Variants in CDH11 observed in about 807,000 individuals in gnomAD.
CDH11 encodes the protein cadherin 11, also known as cadherin-11.
Under a neutral mutation model 67.8 loss-of-function variants are expected in CDH11, and 11 were observed. The ratio of observed to expected loss-of-function variants is 0.16; its 90% confidence interval spans 0.10 to 0.27. The LOEUF is 0.27. Ranked by LOEUF, CDH11 falls within the 10% of genes least tolerant of loss-of-function variation. The pLI is 1.00. For missense variants in CDH11, 847 were observed against 1,031.2 expected, an observed-to-expected ratio of 0.82 and a Z score of 2.45; for synonymous variants, 419 against 400.0, an observed-to-expected ratio of 1.05 and a Z score of -0.57.
In CDH11 at chr16:64,951,037, C is replaced by A; in HGVS notation, c.1643-19G>T. 1 of 1,607,292 alleles carries A rather than the reference C, an allele frequency of 6.2e-7. No homozygotes were observed. The highest frequency in any genetic ancestry group is 8.5e-7 in the Non-Finnish European group (1 of 1,175,966). ...GTGTTATCTGCAGAAAGAGGGGAGA[C>A]AGGCCGTGCGCCCAGTCAAGACCAT... On this transcript the variant is annotated intron_variant, in intron 11 of 12. Coordinates refer to ENST00000268603, the MANE Select transcript of CDH11 (RefSeq NM_001797.4).
Position 64,946,499 on chromosome 16 carries a change from G to T in CDH11, c.*1104C>A. ...AACACATATTGCAAAGTCATAGACT[G>T]ACCTAGTTCTTTCACATCCTTCTTT... On this transcript the variant is annotated 3_prime_UTR_variant, in exon 13 of 13. Transcript: ENST00000268603. 1 of 1,030,826 alleles carries T rather than the reference G, an allele frequency of 9.7e-7. No homozygotes were observed. Among genetic ancestry groups the T allele is most frequent in the Non-Finnish European group, 1.2e-6 (1 of 857,152 alleles). The allele number at this position is 1,030,826 out of a possible 1,614,324, so 63.9% of individuals were successfully genotyped here.
chr16:64,951,512 G>A (rs1374998305), intron 11 of CDH11, among the ~76,000 whole-genome samples: 1 of 151,926 alleles, frequency 6.6e-6, no homozygotes, highest in Non-Finnish European at 1.5e-5. Context: ...AAAATGGTGC[G>A]GCAGGCTTGC....
At chr16:65,079,497 G>A (rs2074573486) in intron 1 of CDH11, among the ~76,000 whole-genome samples, 3 of 149,532 alleles carry the variant, frequency 2.0e-5, no homozygotes, top group Non-Finnish European at 4.5e-5. Context: ...GCGTGTGTAT[G>A]TGTGTGTGTG....
rs138234734 is a variant in CDH11 at position 64,979,301 on chromosome 16, G to T, written c.1253+2747C>A. Among the ~76,000 whole-genome samples the T allele has an allele frequency of 2.2e-3, 338 of 152,198 alleles. 3 individuals are homozygous for T. The highest frequency in any genetic ancestry group is 7.5e-3 in the African/African-American group (310 of 41,522). On this transcript the variant is annotated intron_variant, in intron 8 of 12. Transcript: ENST00000268603. ...CCTGTCTCTATTTTTTTAAAAAATA[G>T]CTGGGCCTGGTGGTGTGCACCTGTA...
intron 7 of CDH11, chr16:64,987,186 C>T (rs535035426): frequency 7.2e-5 from 11 of 152,222 alleles, no homozygotes; most frequent in African/African-American, 1.4e-4. Flanking sequence ...TGGTAAATCA[C>T]GGGGGGAAAC....
intron 2 of CDH11, among the ~76,000 whole-genome samples, chr16:65,040,053 A>C (rs1390407141): frequency 1.3e-5 from 2 of 152,046 alleles, no homozygotes; most frequent in Middle Eastern, 3.4e-3. Context: ...AAAAGTCAGG[A>C]AACAGGTGCT....
intron 1 of CDH11, among the ~76,000 whole-genome samples, chr16:65,073,853 A>C (rs909948059): frequency 2.6e-5 from 4 of 152,158 alleles, no homozygotes; most frequent in African/African-American, 9.7e-5. Flanking sequence ...TGGTGAGGCC[A>C]CCACTGGTCC....
intron 3 of CDH11, among the ~76,000 whole-genome samples, chr16:65,000,446 C>T (rs1182290782): frequency 6.6e-6 from 1 of 152,122 alleles, no homozygotes; most frequent in Admixed American, 6.5e-5. Flanking sequence ...TTGGTTCTAC[C>T]TACTAAATAA....
At chr16:65,122,122 A>AAGG, upstream of CDH11, 1 of 61,300 alleles carries the variant, frequency 1.6e-5, no homozygotes. Flanking sequence ...GCGGGCGGGC[A>AAGG]GGCGGGTGCG....
Position 64,988,342 on chromosome 16 carries a change from C to A in CDH11, c.814G>T (p.Val272Leu), listed in dbSNP as rs767812673. The A allele has an allele frequency of 2.5e-6, 4 of 1,602,486 alleles. No individual in the cohort carries two copies. The highest frequency in any genetic ancestry group is 3.5e-5 in the Admixed American group (2 of 57,462). Residue 272 changes from valine to leucine, a missense_variant and splice_region_variant, in exon 7 of 13, where the codon GTA (valine) becomes TTA (leucine). By Grantham distance (32) the Val-to-Leu change is conservative (BLOSUM62 1). Coordinates refer to ENST00000268603, the MANE Select transcript of CDH11 (RefSeq NM_001797.4). The stretch of plus-strand genomic sequence containing the variant: ...GCTTCTGACACAGACATCTGGTATA[C>A]GCCTAGAAGAAGAAGACATCTATTT... Reference protein sequence around the residue: ...NDNPPKFPQSVYQMSVSEAAV... With the variant: ...NDNPPKFPQSLYQMSVSEAAV...
intron 8 of CDH11, among the ~76,000 whole-genome samples, chr16:64,980,744 T>C (rs2072311997): frequency 6.6e-6 from 1 of 152,126 alleles, no homozygotes; most frequent in Non-Finnish European, 1.5e-5. Context: ...AGGTAAGATG[T>C]GATGTTTGGA....
At chr16:64,988,680 A>G (rs1490087782) in intron 6 of CDH11, among the ~76,000 whole-genome samples, 1 of 152,178 alleles carries the variant, frequency 6.6e-6, no homozygotes, top group Non-Finnish European at 1.5e-5. Flanking sequence ...AAAATAGCTG[A>G]AGCTTCTTTT....
chr16:65,015,253 C>T (rs543664448), intron 2 of CDH11, among the ~76,000 whole-genome samples: 1 of 151,838 alleles, frequency 6.6e-6, no homozygotes, highest in East Asian at 1.9e-4. Context: ...AATGTTCTTG[C>T]AAGAGTAAGT....
At chr16:64,948,977 A>G (rs887252736) in intron 12 of CDH11, among the ~76,000 whole-genome samples, 1 of 152,176 alleles carries the variant, frequency 6.6e-6, no homozygotes, top group Admixed American at 6.5e-5. Context: ...TGGCTCCACT[A>G]CTGCTCTGAG....
chr16:64,965,935 T>C (rs1308381477), intron 11 of CDH11, among the ~76,000 whole-genome samples: 4 of 152,090 alleles, frequency 2.6e-5, no homozygotes, highest in Non-Finnish European at 5.9e-5. Flanking sequence ...ATAGTGTTAT[T>C]TGATAGCAGA....
chr16:65,019,975 T>C (rs1374090251), intron 2 of CDH11, among the ~76,000 whole-genome samples: 1 of 152,210 alleles, frequency 6.6e-6, no homozygotes, highest in African/African-American at 2.4e-5. Flanking sequence ...ACCTTGCATG[T>C]AAAACTCTTC....
rs1422683258 is a variant in CDH11, at chr16:65,033,469, G to A, written c.-173+20335C>T. On this transcript the variant is annotated intron_variant, in intron 2 of 12. Transcript: ENST00000268603. ...AAATTTAGCACCAGTGGTCGGGTGCGGTGGCTCAAGCCTGTAATCCCAGCA... is the reference window on the plus strand; with the variant it reads ...AAATTTAGCACCAGTGGTCGGGTGCAGTGGCTCAAGCCTGTAATCCCAGCA... Among the ~76,000 whole-genome samples the A allele has an allele frequency of 3.9e-5, 6 of 152,146 alleles. No homozygotes were observed. The East Asian group carries it at 5.8e-4, about 15-fold the overall frequency.
chr16:65,093,248 G>A (rs1357423331), intron 1 of CDH11, among the ~76,000 whole-genome samples: 2 of 149,162 alleles, frequency 1.3e-5, no homozygotes, highest in Non-Finnish European at 3.0e-5. Flanking sequence ...TTCAAGGGAG[G>A]GTACTAAAGG....
intron 3 of CDH11, among the ~76,000 whole-genome samples, chr16:65,000,576 C>A (rs2072896237): frequency 6.6e-6 from 1 of 152,154 alleles, no homozygotes; most frequent in South Asian, 2.1e-4. Flanking sequence ...GCAGGCAGAT[C>A]ACTTGAGGTC....
Sources: allele counts gnomAD v4.1 joint callset (sites outside exome capture counted in the v4.1 genomes callset), GRCh38; gene constraint gnomAD v4.1.1; transcripts MANE v1.5; gene names NCBI Gene and HGNC (gene_info 2026-07-23, HGNC 2026-07-21).